The following CENPE variants were observed in gnomAD, a reference collection of about 807,000 sequenced individuals.
The protein encoded by CENPE is centromere protein E, also known as centromere-associated protein E.
Under a neutral mutation model 336.1 loss-of-function variants are expected in CENPE, and 145 were observed. The ratio of observed to expected loss-of-function variants is 0.43; its 90% CI spans 0.38 to 0.50. The LOEUF is 0.50. Ranked by LOEUF, CENPE falls within the 20% of genes least tolerant of loss-of-function variation. The pLI is 0.00. For synonymous variants in CENPE, 1,013 were observed against 984.8 expected, an observed-to-expected ratio of 1.03 and a Z score of -0.54; for missense variants, 2,719 against 3,023.3, an observed-to-expected ratio of 0.90 and a Z score of 2.36.
rs755224238 is a variant in CENPE, at chr4:103,183,184, C to T, written c.833+17G>A. ...ATATAAGAATCAGTAGGTAAGTGCA[C>T]AACGGGATAAACTTACCCAACTTGT... On this transcript the variant is annotated intron_variant, in intron 10 of 48. Coordinates refer to ENST00000265148, the MANE Select transcript of CENPE (RefSeq NM_001813.3). 1.3e-6 allele frequency: 2 copies of T among 1,586,218 alleles called. No homozygotes were observed. Among genetic ancestry groups the T allele is most frequent in the Non-Finnish European group, 1.7e-6 (2 of 1,156,522 alleles).
At position 103,158,736 on chromosome 4, in the gene CENPE, G is replaced by T. The variant is rs1382634743; in HGVS notation, c.2752C>A (p.Gln918Lys). 6.2e-7 allele frequency: 1 copy of T among 1,612,872 alleles called. No individual in the cohort carries two copies. Among genetic ancestry groups the T allele is most frequent in the Non-Finnish European group, 8.5e-7 (1 of 1,179,426 alleles). ...REKTLITEKL[Q>K]QTLEEVKTLT... The stretch of plus-strand genomic sequence containing the variant: ...GTTTTTACTTCTTCTAAAGTTTGCT[G>T]CAGTTTCTCAGTAATCAGTGTTTTC... The change falls in exon 23 of 49, where the codon CAG becomes AAG. Residue 918 changes from glutamine (Q) to lysine (K), a missense_variant. Around this residue, in one of 5 missense-constraint regions of CENPE, gnomAD observed 2,437 missense variants for 2,513.3 expected, o/e 0.97. Coordinates refer to ENST00000265148, the MANE Select transcript of CENPE (RefSeq NM_001813.3).
At chr4:103,168,535 C>T (rs1431445255) in intron 16 of CENPE, among the ~76,000 whole-genome samples, 3 of 152,166 alleles carry the variant, frequency 2.0e-5, no homozygotes, top group Admixed American at 6.5e-5. Context: ...TTAAGCTTAC[C>T]AACATTGGTT....
chr4:103,169,216 G>A (rs953899057), intron 16 of CENPE, among the ~76,000 whole-genome samples: 5 of 149,974 alleles, frequency 3.3e-5, no homozygotes, highest in African/African-American at 1.2e-4. Flanking sequence ...GTGAGCTTGA[G>A]ACAGGCTATT....
Position 103,106,106 on chromosome 4 carries a change from T to G in CENPE, c.*116A>C. ...TTATCTTTCAACTCTAGTGGCAAAG[T>G]AAAGACTGAATTGAAATTAAGCTGC... On this transcript the variant is annotated 3_prime_UTR_variant, in exon 49 of 49. Coordinates refer to ENST00000265148, the MANE Select transcript of CENPE (RefSeq NM_001813.3). The G allele has an allele frequency of 1.8e-6, 1 of 550,956 alleles. No homozygotes were observed. Among genetic ancestry groups the G allele is most frequent in the Non-Finnish European group, 2.9e-6 (1 of 340,096 alleles). 34.1% of individuals were successfully genotyped at this position (550,956 alleles called of 1,614,324 possible).
chr4:103,159,764 A>G (rs1754279609), intron 21 of CENPE, among the ~76,000 whole-genome samples: 1 of 151,946 alleles, frequency 6.6e-6, no homozygotes, highest in African/African-American at 2.4e-5. Context: ...TTGTTATTTA[A>G]GAAGTATCTT....
intron 16 of CENPE, among the ~76,000 whole-genome samples, chr4:103,164,740 G>T (rs1453968146): frequency 6.6e-6 from 1 of 152,058 alleles, no homozygotes; most frequent in Admixed American, 6.5e-5. Flanking sequence ...AATTCAGTCT[G>T]GTCCCATTTC....
Position 103,153,119 on chromosome 4 carries a change from G to T in CENPE, c.3165C>A (p.Leu1055=). The T allele has an allele frequency of 6.2e-7, 1 of 1,612,912 alleles. No individual in the cohort carries two copies. Among genetic ancestry groups the T allele is most frequent in the Non-Finnish European group, 8.5e-7 (1 of 1,179,446 alleles). Reference sequence around the variant, plus strand: ...CTATAACACTCTCTAACATTTGTTGGAGTTCATTTTTCTCCTGTATTAAAG... The same window carrying T: ...CTATAACACTCTCTAACATTTGTTGTAGTTCATTTTTCTCCTGTATTAAAG... The part of the protein sequence containing the change: ...IFSLIQEKNE[L]QQMLESVIAE... The change falls in exon 25 of 49, where the codon CTC becomes CTA. Residue 1055 remains leucine (L), a synonymous_variant. Transcript: ENST00000265148.
chr4:103,165,846 G>A (rs1754864536), intron 16 of CENPE, among the ~76,000 whole-genome samples: 1 of 148,232 alleles, frequency 6.7e-6, no homozygotes, highest in Admixed American at 6.8e-5. Flanking sequence ...TTAATTATAT[G>A]TCTTTTAGAT....
At chr4:103,113,455 A>G (rs1251238953) in intron 46 of CENPE, among the ~76,000 whole-genome samples, 10 of 139,608 alleles carry the variant, frequency 7.2e-5, no homozygotes, top group Admixed American at 1.5e-4. Context: ...CTTACATATT[A>G]CTTATATATA....
intron 16 of CENPE, among the ~76,000 whole-genome samples, chr4:103,172,226 T>C (rs1449618538): frequency 6.6e-6 from 1 of 152,020 alleles, no homozygotes; most frequent in African/African-American, 2.4e-5. Context: ...TAAAACTGAA[T>C]TTAACAGCAC....
At chr4:103,124,016 T>C (rs544466320) in intron 42 of CENPE, among the ~76,000 whole-genome samples, 2 of 152,240 alleles carry the variant, frequency 1.3e-5, no homozygotes, top group South Asian at 2.1e-4. Context: ...ACTTTTACTA[T>C]AGTATATTGT....
chr4:103,159,553 A>C (rs1754258207), intron 21 of CENPE, among the ~76,000 whole-genome samples: 1 of 151,874 alleles, frequency 6.6e-6, no homozygotes. Flanking sequence ...CTAGAAAGTA[A>C]GGTCTGCATG....
Position 103,139,121 on chromosome 4 carries a change from AAACAAAAACATTTTCTCCCACT to A in CENPE, c.6204+646_6204+667del, listed in dbSNP as rs1752321815. On this transcript the variant is annotated intron_variant, in intron 38 of 48. Coordinates refer to ENST00000265148, the MANE Select transcript of CENPE (RefSeq NM_001813.3). Reference sequence around the variant, plus strand: ...ATTTCTGATTAAAAAGTATAAAGTGAAACAAAAACATTTTCTCCCACTTATCTTGTTCACTACAGTACCTAGA... The same window carrying A: ...ATTTCTGATTAAAAAGTATAAAGTGATATCTTGTTCACTACAGTACCTAGA... Among the ~76,000 whole-genome samples the A allele has an allele frequency of 1.8e-5, 2 of 108,634 alleles. 1 individual carries two copies. The highest frequency in any genetic ancestry group is 4.6e-5 in the Non-Finnish European group (2 of 43,786). The allele number at this position is 108,634 out of a possible 152,430, so 71.3% of individuals were successfully genotyped here. A position where few individuals can be genotyped will look rare whatever the true frequency, so the allele number is the denominator to read the frequency against.
rs1285501396 is a variant in CENPE at position 103,147,368 on chromosome 4, T to C, written c.4122A>G (p.Glu1374=). 1.3e-6 allele frequency: 2 copies of C among 1,594,046 alleles called. No homozygotes were observed. The highest frequency in any genetic ancestry group is 1.7e-6 in the Non-Finnish European group (2 of 1,174,170). ...KHDQLKEHIR[E]TLAKIQESQS... is the part of the protein sequence containing the mutation. Reference sequence around the variant, plus strand: ...ATACGAAACTTACTTTAGCCAAAGTTTCTCTAATATGTTCTTTCAGCTGGT... The same window carrying C: ...ATACGAAACTTACTTTAGCCAAAGTCTCTCTAATATGTTCTTTCAGCTGGT... Residue 1374 remains glutamate (E), a synonymous_variant, in exon 29 of 49, where the codon GAA becomes GAG. Transcript: ENST00000265148.
intron 42 of CENPE, among the ~76,000 whole-genome samples, chr4:103,126,483 T>G (rs559070596): frequency 2.0e-5 from 3 of 152,116 alleles, no homozygotes; most frequent in Non-Finnish European, 2.9e-5. Context: ...AAAGGCCTAT[T>G]TGCTACAGTT....
intron 39 of CENPE, among the ~76,000 whole-genome samples, chr4:103,137,126 T>A (rs1752135705): frequency 6.6e-6 from 1 of 152,148 alleles, no homozygotes. Context: ...TCTGACTTAG[T>A]TTAAAATTCT....
intron 36 of CENPE, 100 bp from the exon 37 acceptor site, chr4:103,140,514 C>T: frequency 1.1e-6 from 1 of 889,014 alleles, no homozygotes; most frequent in Non-Finnish European, 1.6e-6. Flanking sequence ...TATACACTCA[C>T]AGTTAAAAAC....
In CENPE at chr4:103,136,155, T is replaced by C. The variant is rs1196697128; in HGVS notation, c.6508A>G (p.Met2170Val). The C allele has an allele frequency of 1.2e-6, 2 of 1,612,428 alleles. No individual in the cohort carries two copies. Among genetic ancestry groups the C allele is most frequent in the Non-Finnish European group, 1.7e-6 (2 of 1,179,328 alleles). ...QRCSMEFHRI[M>V]KKLKYVLSYV... ...AAAGATGGTACCTTCAGTTTCTTCA[T>C]GATTCTGTGGAATTCCATGGAGCAT... Residue 2170 changes from methionine to valine, a missense_variant, in exon 40 of 49, where the codon ATG becomes GTG. Met to Val is a conservative substitution (Grantham distance 21). This residue lies in a region of CENPE where 2,437 missense variants were observed against 2,513.3 expected (regional missense o/e 0.97). Transcript: ENST00000265148.
chr4:103,156,448 C>G (rs1753962727), intron 24 of CENPE, among the ~76,000 whole-genome samples: 1 of 152,100 alleles, frequency 6.6e-6, no homozygotes, highest in South Asian at 2.1e-4. Context: ...GTCACAGTAT[C>G]TTCAACAAGG....
Sources: allele counts gnomAD v4.1 joint callset (sites outside exome capture counted in the v4.1 genomes callset), GRCh38; gene constraint gnomAD v4.1.1; regional missense constraint gnomAD v4.1.1; transcripts MANE v1.5; gene names NCBI Gene and HGNC (gene_info 2026-07-23, HGNC 2026-07-21).